The following COL11A1 variants were observed in gnomAD, a reference collection of about 807,000 sequenced individuals.
COL11A1 encodes the protein collagen type XI alpha 1 chain.
A neutral mutation model predicts 265.2 loss-of-function variants in COL11A1; 74 were observed. The observed-to-expected ratio is 0.28, with a 90% CI of 0.23 to 0.34. The LOEUF (loss-of-function observed/expected upper bound fraction) is 0.34, where lower values mean the gene tolerates loss of function less well. Among genes scored for constraint, COL11A1 ranks in the 10% least tolerant of loss-of-function variants. The pLI is 1.00. For synonymous variants in COL11A1, 816 were observed against 727.6 expected, an observed-to-expected ratio of 1.12 and a Z score of -1.96; for missense variants, 2,165 against 2,263.6, an observed-to-expected ratio of 0.96 and a Z score of 0.88.
In COL11A1 at chr1:102,989,431, T is replaced by C. The variant is rs1663902742; in HGVS notation, c.2394+87A>G. On this transcript the variant is annotated intron_variant, in intron 29 of 66. Coordinates refer to ENST00000370096, the MANE Select transcript of COL11A1 (RefSeq NM_001854.4). ...TAGTACAAACATTTTATTTATCATA[T>C]GCTTACTATATTTAAAGATAAGCAA... is the stretch of plus-strand genomic sequence containing the variant. 12 of 723,634 alleles carry C rather than the reference T, an allele frequency of 1.7e-5. No homozygotes were observed. The South Asian group carries it at 3.3e-4, about 20-fold the overall frequency. The allele number at this position is 723,634 out of a possible 1,614,324, so 44.8% of individuals were successfully genotyped here. A position where few individuals can be genotyped will look rare whatever the true frequency, so the allele number is the denominator to read the frequency against.
At chr1:103,057,379 GC>G (rs1313363316) in intron 4 of COL11A1, among the ~76,000 whole-genome samples, 8 of 152,090 alleles carry the variant, frequency 5.3e-5, no homozygotes, top group Non-Finnish European at 1.2e-4. Context: ...TGCTATTTCT[GC>G]CGCATCGGCA....
intron 5 of COL11A1, among the ~76,000 whole-genome samples, chr1:103,027,511 T>C (rs1487092265): frequency 3.4e-5 from 5 of 148,172 alleles, no homozygotes; most frequent in African/African-American, 9.9e-5. Flanking sequence ...ACATATAATA[T>C]GTATACTTAA....
intron 1 of COL11A1, among the ~76,000 whole-genome samples, chr1:103,083,469 A>G (rs921008363): frequency 6.6e-6 from 1 of 152,154 alleles, no homozygotes; most frequent in African/African-American, 2.4e-5. Flanking sequence ...CATAATCTAA[A>G]CAGAGGTGAT....
At position 102,887,050 on chromosome 1, in the gene COL11A1, G is replaced by A. The variant is rs1374575593; in HGVS notation, c.4615C>T (p.Pro1539Ser). The A allele has an allele frequency of 6.2e-6, 10 of 1,613,606 alleles. No homozygotes were observed. The highest frequency in any genetic ancestry group is 1.6e-4 in the Middle Eastern group (1 of 6,078). The change falls in exon 63 of 67, where the codon CCT becomes TCT. Residue 1539 changes from proline to serine, a missense_variant. Coordinates refer to ENST00000370096, the MANE Select transcript of COL11A1 (RefSeq NM_001854.4). ...LPGPPGSPGP[P>S]GEVIQPLPIL... ...GGTAAAGGCTGAATGACTTCACCAGGTGGACCCTGTAAAGAAGATAATGTG... is the reference window on the plus strand; with the variant it reads ...GGTAAAGGCTGAATGACTTCACCAGATGGACCCTGTAAAGAAGATAATGTG...
At chr1:103,063,594 A>C (rs1195058600) in intron 4 of COL11A1, among the ~76,000 whole-genome samples, 1 of 152,158 alleles carries the variant, frequency 6.6e-6, no homozygotes, top group Non-Finnish European at 1.5e-5. Flanking sequence ...AAAACACAAA[A>C]CCATGAAACT....
intron 4 of COL11A1, among the ~76,000 whole-genome samples, chr1:103,049,189 G>C (rs1295374137): frequency 6.6e-6 from 1 of 152,144 alleles, no homozygotes; most frequent in Non-Finnish European, 1.5e-5. Context: ...GTCTAATGTT[G>C]ACAGTGGGGT....
chr1:103,013,328 C>T (rs1189247298), intron 13 of COL11A1, among the ~76,000 whole-genome samples: 7 of 151,836 alleles, frequency 4.6e-5, no homozygotes, highest in Admixed American at 3.3e-4. Flanking sequence ...GATTAAATAT[C>T]TGAAAAATTG....
At chr1:102,990,025 A>T (rs1314227219) in intron 28 of COL11A1, among the ~76,000 whole-genome samples, 1 of 152,062 alleles carries the variant, frequency 6.6e-6, no homozygotes, top group South Asian at 2.1e-4. Context: ...TCTCTACAAA[A>T]AATACAAAAA....
chr1:102,905,082 A>C (rs1206415757), intron 54 of COL11A1, among the ~76,000 whole-genome samples: 1 of 151,690 alleles, frequency 6.6e-6, no homozygotes, highest in Non-Finnish European at 1.5e-5. Context: ...AGGGACATGG[A>C]TGAAACTGGA....
intron 54 of COL11A1, among the ~76,000 whole-genome samples, chr1:102,910,198 T>G (rs1294505279): frequency 1.3e-5 from 2 of 152,004 alleles, no homozygotes; most frequent in Admixed American, 6.6e-5. Flanking sequence ...TAGGTTATTT[T>G]ATTCTATTAC....
At chr1:103,075,465 C>T (rs900587832) in intron 3 of COL11A1, among the ~76,000 whole-genome samples, 3 of 152,176 alleles carry the variant, frequency 2.0e-5, no homozygotes, top group South Asian at 2.1e-4. Context: ...ACATAGTCAA[C>T]GCATGTGTGG....
intron 46 of COL11A1, among the ~76,000 whole-genome samples, chr1:102,932,900 T>C (rs1657658520): frequency 6.6e-6 from 1 of 151,616 alleles, no homozygotes; most frequent in African/African-American, 2.4e-5. Context: ...CTGAGGCTTC[T>C]GCATTCTTCA....
intron 23 of COL11A1, 118 bp from the exon 24 acceptor site, chr1:103,002,087 C>T: frequency 1.2e-6 from 1 of 850,508 alleles, no homozygotes. Context: ...TGTATATATT[C>T]CCATACACCC....
In COL11A1 at chr1:102,891,785, A is replaced by G. The variant is rs116390354; in HGVS notation, c.4303-1281T>C. Among the ~76,000 whole-genome samples, 1,354 of 152,060 alleles carry G rather than the reference A, an allele frequency of 8.9e-3. 18 individuals carry two copies. Among genetic ancestry groups the G allele is most frequent in the African/African-American group, 0.031 (1,292 of 41,482 alleles). On this transcript the variant is annotated intron_variant, in intron 57 of 66. Coordinates refer to ENST00000370096, the MANE Select transcript of COL11A1 (RefSeq NM_001854.4). The stretch of plus-strand genomic sequence containing the variant: ...GCTGTCCCAGCTACTTGAGAGGCTA[A>G]GGGAGGAGGGTCACTTGAACCCATG...
At position 102,959,223 on chromosome 1, in the gene COL11A1, G is replaced by C. The variant is rs538082215; in HGVS notation, c.3168+2643C>G. Among the ~76,000 whole-genome samples, 6 of 152,246 alleles carry C rather than the reference G, an allele frequency of 3.9e-5. No individual in the cohort carries two copies. The South Asian group carries it at 1.2e-3, about 32-fold the overall frequency. The stretch of plus-strand genomic sequence containing the variant: ...TCAAATATTCAAATGACTACATCTT[G>C]CAATTTCAGAGCTTCAGTAATTATA... On this transcript the variant is annotated intron_variant, in intron 41 of 66. Coordinates refer to ENST00000370096, the MANE Select transcript of COL11A1 (RefSeq NM_001854.4).
chr1:102,958,020 A>G (rs907490251), intron 41 of COL11A1, among the ~76,000 whole-genome samples: 1 of 152,044 alleles, frequency 6.6e-6, no homozygotes, highest in Non-Finnish European at 1.5e-5. Flanking sequence ...TTTTTCCTTA[A>G]TACAAATAAC....
At chr1:102,975,498 T>A (rs555536860) in intron 35 of COL11A1, among the ~76,000 whole-genome samples, 1 of 152,210 alleles carries the variant, frequency 6.6e-6, no homozygotes, top group African/African-American at 2.4e-5. Flanking sequence ...TATTGTGTAG[T>A]TATTAACGTT....
chr1:103,010,081 A>G (rs1050896497), intron 14 of COL11A1, among the ~76,000 whole-genome samples: 4 of 152,192 alleles, frequency 2.6e-5, no homozygotes, highest in Non-Finnish European at 5.9e-5. Context: ...GTCATTGACT[A>G]TAAAATAATA....
chr1:103,039,329 C>T (rs1298777811), intron 4 of COL11A1, among the ~76,000 whole-genome samples: 1 of 151,994 alleles, frequency 6.6e-6, no homozygotes, highest in Non-Finnish European at 1.5e-5. Context: ...ATGAGCTTGC[C>T]CAGACTGAGT....
Sources: gnomAD v4.1 joint callset for allele counts (sites outside exome capture counted in the v4.1 genomes callset) on GRCh38, gnomAD v4.1.1 for gene constraint, MANE v1.5 for transcripts, NCBI Gene and HGNC (gene_info 2026-07-23, HGNC 2026-07-21) for gene names.